Variants in ANTXR2 observed in about 807,000 individuals in gnomAD.
ANTXR2 encodes the protein anthrax toxin receptor 2.
In ANTXR2, 44 loss-of-function variants were observed where a neutral mutation model predicts 73.7. The ratio of observed to expected loss-of-function variants is 0.60; its 90% CI spans 0.47 to 0.77. The LOEUF is 0.77. Among genes scored for constraint, ANTXR2 ranks in the 30% least tolerant of loss-of-function variants. The probability of loss-of-function intolerance (pLI) is 0.00; values close to 1 mark genes in which losing one functional copy is unlikely to be tolerated. For synonymous variants in ANTXR2, 217 were observed against 205.9 expected, an observed-to-expected ratio of 1.05 and a Z score of -0.46; for missense variants, 604 against 592.5, an observed-to-expected ratio of 1.02 and a Z score of -0.20.
At chr4:80,003,175 T>A (rs1226881859) in intron 12 of ANTXR2, among the ~76,000 whole-genome samples, 1 of 152,048 alleles carries the variant, frequency 6.6e-6, no homozygotes, top group Non-Finnish European at 1.5e-5. Context: ...TGTCCATGAA[T>A]GATAGATTGG....
At chr4:79,955,798 C>T (rs940496353) in intron 16 of ANTXR2, among the ~76,000 whole-genome samples, 5 of 152,128 alleles carry the variant, frequency 3.3e-5, no homozygotes, top group African/African-American at 1.2e-4. Flanking sequence ...ATCCCAACTC[C>T]CCTGACTCCC....
rs1475601622 is a variant in ANTXR2 at position 79,903,806 on chromosome 4, T to C, written c.*3623A>G. On this transcript the variant is annotated 3_prime_UTR_variant, in exon 17 of 17. Transcript: ENST00000403729. ...TGTACCAAGAGTTATTCTATGTTTCTAGATTATGTATTTCCTTTCATATTG... is the reference window on the plus strand; with the variant it reads ...TGTACCAAGAGTTATTCTATGTTTCCAGATTATGTATTTCCTTTCATATTG... The C allele has an allele frequency of 6.6e-6, 1 of 152,202 alleles. No homozygotes were observed. The highest frequency in any genetic ancestry group is 1.5e-5 in the Non-Finnish European group (1 of 68,028). The allele number at this position is 152,202 out of a possible 1,614,324, so 9.4% of individuals were successfully genotyped here. A position where few individuals can be genotyped will look rare whatever the true frequency, so the allele number is the denominator to read the frequency against.
At chr4:80,042,717 A>G (rs1293490211) in intron 7 of ANTXR2, among the ~76,000 whole-genome samples, 1 of 152,050 alleles carries the variant, frequency 6.6e-6, no homozygotes, top group Admixed American at 6.6e-5. Context: ...ATAACTGTGC[A>G]TGGAAATTCA....
chr4:79,919,916 TATATAA>T (rs1560856575), intron 16 of ANTXR2, among the ~76,000 whole-genome samples: 1,085 of 16,236 alleles, frequency 0.067, 62 homozygotes, highest in Admixed American at 0.1. Context: ...TATATATATA[TATATAA>T]AAAATGATAG....
chr4:79,960,509 T>C (rs944948117), intron 16 of ANTXR2, among the ~76,000 whole-genome samples: 1 of 152,008 alleles, frequency 6.6e-6, no homozygotes, highest in Non-Finnish European at 1.5e-5. Flanking sequence ...TATAAGTTTT[T>C]TAAAAGCATA....
chr4:79,937,155 C>T (rs1728296704), intron 16 of ANTXR2, among the ~76,000 whole-genome samples: 1 of 152,058 alleles, frequency 6.6e-6, no homozygotes, highest in Non-Finnish European at 1.5e-5. Context: ...GACTCATTCA[C>T]TGTATTCTCA....
At chr4:80,064,450 T>A (rs1284022312) in intron 3 of ANTXR2, among the ~76,000 whole-genome samples, 2 of 152,240 alleles carry the variant, frequency 1.3e-5, no homozygotes, top group African/African-American at 4.8e-5. Context: ...CTACTGAGCA[T>A]CAGGCTCTGT....
intron 16 of ANTXR2, among the ~76,000 whole-genome samples, chr4:79,965,987 C>T (rs1378624339): frequency 1.3e-5 from 2 of 152,054 alleles, no homozygotes; most frequent in East Asian, 1.9e-4. Flanking sequence ...TTTTGATTGA[C>T]ATTAGGGATG....
intron 12 of ANTXR2, among the ~76,000 whole-genome samples, chr4:79,995,927 C>T (rs1251169658): frequency 6.6e-6 from 1 of 152,032 alleles, no homozygotes; most frequent in African/African-American, 2.4e-5. Flanking sequence ...TGAACCAGAG[C>T]TAAGGCTCAT....
At chr4:80,037,968 T>G (rs1011045573) in intron 7 of ANTXR2, among the ~76,000 whole-genome samples, 1 of 152,144 alleles carries the variant, frequency 6.6e-6, no homozygotes, top group African/African-American at 2.4e-5. Flanking sequence ...AAACAGATCT[T>G]ATTAAGGAGA....
intron 16 of ANTXR2, among the ~76,000 whole-genome samples, chr4:79,956,025 A>G (rs1728874027): frequency 6.6e-6 from 1 of 152,124 alleles, no homozygotes; most frequent in African/African-American, 2.4e-5. Context: ...TCCCTCTTGG[A>G]GAGAACTGAA....
intron 3 of ANTXR2, among the ~76,000 whole-genome samples, chr4:80,058,302 C>T (rs377401916): frequency 1.5e-4 from 23 of 152,060 alleles, no homozygotes; most frequent in South Asian, 4.1e-4. Flanking sequence ...CAGCAGTTTG[C>T]GGTTTTTCTA....
intron 11 of ANTXR2, among the ~76,000 whole-genome samples, chr4:80,016,920 G>A (rs1007751611): frequency 6.6e-6 from 1 of 152,170 alleles, no homozygotes; most frequent in African/African-American, 2.4e-5. Flanking sequence ...ACCCCAGTGG[G>A]GCTACCCTCC....
At position 79,991,822 on chromosome 4, in the gene ANTXR2, G is replaced by T. The variant is rs151308135; in HGVS notation, c.1042-6959C>A. 9.2e-5 allele frequency among the ~76,000 whole-genome samples: 14 copies of T among 152,146 alleles called. No individual in the cohort carries two copies. In the East Asian group the frequency reaches 2.7e-3, roughly 29 times the overall value. On this transcript the variant is annotated intron_variant, in intron 12 of 16. Transcript: ENST00000403729. ...TGGCAGCAACATGGATGCAGCTGGA[G>T]GCCATTATCCTCAGAGAATTAGCAC... is the stretch of plus-strand genomic sequence containing the variant.
chr4:80,017,384 C>A (rs991347219), intron 11 of ANTXR2, among the ~76,000 whole-genome samples: 1 of 152,200 alleles, frequency 6.6e-6, no homozygotes, highest in Non-Finnish European at 1.5e-5. Context: ...ATCATCTTGA[C>A]CCCTTCTTGA....
intron 1 of ANTXR2, 144 bp downstream of exon 1, chr4:80,072,265 C>T: frequency 2.1e-6 from 2 of 940,892 alleles, no homozygotes; most frequent in South Asian, 2.3e-5. Context: ...ACGCGCTTGC[C>T]CTTTGAAAGA....
At chr4:80,012,148 G>T (rs988709363) in intron 11 of ANTXR2, among the ~76,000 whole-genome samples, 4 of 152,164 alleles carry the variant, frequency 2.6e-5, no homozygotes, top group Non-Finnish European at 5.9e-5. Context: ...AACAGACACA[G>T]AACGGGGAAA....
intron 16 of ANTXR2, among the ~76,000 whole-genome samples, chr4:79,915,296 G>A (rs1029339666): frequency 1.3e-5 from 2 of 152,070 alleles, no homozygotes; most frequent in African/African-American, 4.8e-5. Context: ...ATTTAAAACT[G>A]ACTTCACTGT....
intron 8 of ANTXR2, among the ~76,000 whole-genome samples, chr4:80,034,750 C>T (rs1413473712): frequency 6.6e-6 from 1 of 152,106 alleles, no homozygotes; most frequent in Non-Finnish European, 1.5e-5. Context: ...CAGGCCTGTT[C>T]TCTATTTTAA....
Sources: gnomAD v4.1 joint callset for allele counts (sites outside exome capture counted in the v4.1 genomes callset) on GRCh38, gnomAD v4.1.1 for gene constraint, MANE v1.5 for transcripts, NCBI Gene and HGNC (gene_info 2026-07-23, HGNC 2026-07-21) for gene names.